CD36: variants seen among roughly 807,000 people sequenced by gnomAD.
The protein encoded by CD36 is CD36 molecule (CD36 blood group).
CD36 carries 119 observed loss-of-function variants against 55.2 expected under a neutral mutation model. That is an observed-to-expected ratio of 2.15 (90% CI 1.86 to 2.51). The LOEUF (loss-of-function observed/expected upper bound fraction) is 2.51. CD36 is among the 30% of genes most tolerant of loss of function. CD36 has a pLI of 0.00. For missense variants in CD36, 819 were observed against 555.5 expected (o/e 1.47, Z -4.77); for synonymous variants, 186 against 193.6 (o/e 0.96, Z 0.33).
At chr7:80,671,320 C>A (rs1295888967) in intron 10 of CD36, among the ~76,000 whole-genome samples, 156 bp downstream of exon 10, 1 of 151,654 alleles carries the variant, frequency 6.6e-6, no homozygotes, top group Non-Finnish European at 1.5e-5. Flanking sequence ...CCTTTAGCAA[C>A]CAAAATTTAA....
In CD36 at chr7:80,606,830, A is replaced by G. The variant is rs150184235; in HGVS notation, c.-184+4451A>G. Among the ~76,000 whole-genome samples, 810 of 152,148 alleles carry G rather than the reference A, an allele frequency of 5.3e-3. 6 individuals are homozygous for G. The highest frequency in any genetic ancestry group is 0.018 in the African/African-American group (758 of 41,518). The stretch of plus-strand genomic sequence containing the variant: ...TCAAAACCCTCTCTGAAATTGGGGG[A>G]TGGTTACCAGCTGGTGGTAAAAGTA... On this transcript the variant is annotated intron_variant, in intron 1 of 13. Transcript: ENST00000309881.
At chr7:80,612,613 T>C (rs576189795) in intron 1 of CD36, among the ~76,000 whole-genome samples, 2 of 152,314 alleles carry the variant, frequency 1.3e-5, no homozygotes, top group Admixed American at 6.5e-5. Context: ...GTTAAATATA[T>C]ATACTCAACT....
chr7:80,660,717 A>G (rs1248979567), intron 4 of CD36, among the ~76,000 whole-genome samples: 2 of 152,204 alleles, frequency 1.3e-5, no homozygotes, highest in Admixed American at 6.5e-5. Flanking sequence ...TATTTGTTAC[A>G]TAGACCATTT....
At chr7:80,649,812 G>T (rs1367196781) in intron 3 of CD36, among the ~76,000 whole-genome samples, 1 of 151,922 alleles carries the variant, frequency 6.6e-6, no homozygotes, top group East Asian at 1.9e-4. Flanking sequence ...TAATTCAGAG[G>T]CAGGAAGACA....
chr7:80,646,656 A>C lies in CD36; in HGVS notation c.-85A>C. 29 of 1,492,488 alleles carry C rather than the reference A, an allele frequency of 1.9e-5. No homozygotes were observed. The highest frequency in any genetic ancestry group is 2.3e-5 in the Non-Finnish European group (25 of 1,070,376). 92.5% of individuals were successfully genotyped at this position (1,492,488 alleles called of 1,614,324 possible). On this transcript the variant is annotated 5_prime_UTR_variant, in exon 3 of 15. Transcript: ENST00000447544. ...ATGATCTCTTTCTAATGATAGAACC[A>C]GAGCTTGTAGAAACCACTTTAATCA...
intron 3 of CD36, among the ~76,000 whole-genome samples, chr7:80,647,601 AT>A (rs879840627): frequency 4.6e-5 from 7 of 152,154 alleles, no homozygotes; most frequent in Non-Finnish European, 8.8e-5. Context: ...AGAAACGTTG[AT>A]TGATAGGGGG....
intron 11 of CD36, among the ~76,000 whole-genome samples, chr7:80,672,315 ATT>A (rs1208176446): frequency 6.6e-6 from 1 of 151,790 alleles, no homozygotes; most frequent in Non-Finnish European, 1.5e-5. Flanking sequence ...GACTATACTT[ATT>A]GTCAAAATCT....
chr7:80,660,230 T>C (rs1796414772), intron 4 of CD36, among the ~76,000 whole-genome samples: 1 of 152,170 alleles, frequency 6.6e-6, no homozygotes, highest in Admixed American at 6.5e-5. Context: ...TTCACCGCGT[T>C]CCTAAAATGT....
intron 1 of CD36, among the ~76,000 whole-genome samples, chr7:80,613,498 C>T (rs1792988317): frequency 6.6e-6 from 1 of 152,094 alleles, no homozygotes; most frequent in African/African-American, 2.4e-5. Flanking sequence ...TCCTTAAGGT[C>T]TATCTTTTCA....
intron 1 of CD36, chr7:80,602,411 G>C (rs1188368932): frequency 6.6e-6 from 1 of 152,062 alleles, no homozygotes; most frequent in East Asian, 1.9e-4. Flanking sequence ...TAGAAGTGTG[G>C]CTATAAATGT....
chr7:80,632,101 A>C (rs1794103911), intron 1 of CD36, among the ~76,000 whole-genome samples: 1 of 151,834 alleles, frequency 6.6e-6, no homozygotes, highest in African/African-American at 2.4e-5. Context: ...GGTTTTTGAG[A>C]ACCAACCTGG....
At chr7:80,637,394 A>G (rs1202182426), upstream of CD36, among the ~76,000 whole-genome samples, 1 of 152,098 alleles carries the variant, frequency 6.6e-6, no homozygotes, top group Non-Finnish European at 1.5e-5. Context: ...AACTGAAAGC[A>G]TAAATTATAA....
rs373829578 is a variant in CD36, at chr7:80,664,433, A to T, written c.637A>T (p.Lys213Ter). Residue 213 changes from lysine (K) to a stop codon, truncating the protein, a stop_gained, in exon 7 of 15, where the codon AAA becomes TAA. Transcript: ENST00000447544. LOFTEE classifies it high-confidence loss of function. ...CAACAATACTGCAGATGGAGTTTAT[A>T]AAGTTTTCAATGGAAAAGATAACAT... ...PYNNTADGVY[K>*]VFNGKDNISK... 6.4e-7 allele frequency: 1 copy of T among 1,574,280 alleles called. No individual in the cohort carries two copies. Among genetic ancestry groups the T allele is most frequent in the African/African-American group, 1.3e-5 (1 of 74,192 alleles).
intron 1 of CD36, among the ~76,000 whole-genome samples, chr7:80,630,163 G>A (rs758420498): frequency 5.9e-5 from 9 of 151,870 alleles, no homozygotes; most frequent in Non-Finnish European, 1.2e-4. Flanking sequence ...GTTTAGTTTT[G>A]GCTGAAATAT....
chr7:80,675,629 ATTACTTGAT>A (rs1562830708), intron 14 of CD36, among the ~76,000 whole-genome samples: 1 of 152,130 alleles, frequency 6.6e-6, no homozygotes, highest in African/African-American at 2.4e-5. Context: ...TAAACTGTTG[ATTACTTGAT>A]TTACTAGATT....
chr7:80,633,127 T>A (rs1420896543), intron 1 of CD36: 1 of 152,042 alleles, frequency 6.6e-6, no homozygotes, highest in Non-Finnish European at 1.5e-5. Context: ...TACCTAACTA[T>A]GCTGATCATG....
intron 3 of CD36, among the ~76,000 whole-genome samples, chr7:80,655,321 A>G (rs150020403): frequency 6.7e-4 from 102 of 152,324 alleles, no homozygotes; most frequent in African/African-American, 2.4e-3. Context: ...CAGAGAGTGA[A>G]AGCTGTGGAA....
At chr7:80,665,271 A>G (rs1371581998) in intron 7 of CD36, among the ~76,000 whole-genome samples, 1 of 152,018 alleles carries the variant, frequency 6.6e-6, no homozygotes, top group Non-Finnish European at 1.5e-5. Flanking sequence ...ACTAGGAAGA[A>G]CCCTAATAAA....
chr7:80,659,849 G>A (rs967127859), intron 4 of CD36, among the ~76,000 whole-genome samples: 1 of 152,058 alleles, frequency 6.6e-6, no homozygotes, highest in Non-Finnish European at 1.5e-5. Flanking sequence ...TGTGTCTGCA[G>A]TACTTCAAGA....
Sources: allele counts gnomAD v4.1 joint callset (sites outside exome capture counted in the v4.1 genomes callset), GRCh38; gene constraint gnomAD v4.1.1; transcripts MANE v1.5; gene names NCBI Gene and HGNC (gene_info 2026-07-23, HGNC 2026-07-21).